The following MGAT5B variants were observed in gnomAD, a reference collection of about 807,000 sequenced individuals.
MGAT5B encodes N-acetylglucosaminyl-transferase Vb.
MGAT5B carries 54 observed loss-of-function variants against 95.1 expected under a neutral mutation model. That is an observed-to-expected ratio of 0.57 (90% CI 0.46 to 0.71). MGAT5B has a LOEUF of 0.71. MGAT5B is among the 30% of genes least tolerant of loss of function. The pLI is 0.00. For missense variants in MGAT5B, 935 were observed against 1,088.6 expected, an observed-to-expected ratio of 0.86 and a Z score of 1.99; for synonymous variants, 464 against 451.0, an observed-to-expected ratio of 1.03 and a Z score of -0.36.
In MGAT5B at chr17:76,940,875, C is replaced by T. The variant is rs765804084; in HGVS notation, c.1848+27C>T. On this transcript the variant is annotated intron_variant, in intron 15 of 17. Coordinates refer to ENST00000569840, the MANE Select transcript of MGAT5B (RefSeq NM_001199172.2). This position sits in a 1 kb window ranked among gnomAD's most constrained non-coding sequence, Gnocchi z 4.3. ...TGAGAGCAGCCACATACAGTTGAGA[C>T]CCCCCACTAGTCCACACTGCTGGTC... The T allele has an allele frequency of 3.9e-6, 6 of 1,550,186 alleles. No individual in the cohort carries two copies. The highest frequency in any genetic ancestry group is 5.3e-6 in the Non-Finnish European group (6 of 1,122,476).
intron 15 of MGAT5B, among the ~76,000 whole-genome samples, chr17:76,945,212 A>G (rs1216919818): frequency 6.6e-6 from 1 of 151,500 alleles, no homozygotes; most frequent in Non-Finnish European, 1.5e-5. Flanking sequence ...TCTTCCCTCC[A>G]CTCCCCTGGT....
chr17:76,948,095 T>TCCCCCC lies in MGAT5B; in HGVS notation c.2180+14_2180+15insCCCCCC. On this transcript the variant is annotated intron_variant, in intron 17 of 17. Transcript: ENST00000569840. ...CAGGACGCCTTCCTCAAGTGAGTGT[T>TCCCCCC]CCCCCACCCTCCCCACCCAGCCGCT... The TCCCCCC allele has an allele frequency of 6.4e-7, 1 of 1,562,184 alleles. No homozygotes were observed. Among genetic ancestry groups the TCCCCCC allele is most frequent in the Non-Finnish European group, 8.7e-7 (1 of 1,150,744 alleles).
chr17:76,943,034 G>GCCCCCCCC (rs201279890), intron 15 of MGAT5B, among the ~76,000 whole-genome samples: 74 of 129,348 alleles, frequency 5.7e-4, no homozygotes, highest in African/African-American at 1.9e-3. Context: ...GGGATAACTT[G>GCCCCCCCC]CCCCCCCGGG....
At chr17:76,942,804 C>A (rs190263491) in intron 15 of MGAT5B, among the ~76,000 whole-genome samples, 1 of 152,204 alleles carries the variant, frequency 6.6e-6, no homozygotes, top group Non-Finnish European at 1.5e-5. Context: ...TGTCACCCCA[C>A]AGTCTCCTCC....
chr17:76,872,410 G>T (rs898093107), intron 1 of MGAT5B, among the ~76,000 whole-genome samples: 3 of 152,226 alleles, frequency 2.0e-5, no homozygotes, highest in Non-Finnish European at 4.4e-5. Context: ...GAATCTTCAG[G>T]AGACTTTGCT....
intron 3 of MGAT5B, among the ~76,000 whole-genome samples, chr17:76,901,159 G>C (rs1334793671): frequency 6.6e-6 from 1 of 152,194 alleles, no homozygotes; most frequent in Admixed American, 6.5e-5. Context: ...TGGCTGTAGA[G>C]GGCGGGTGGC....
Position 76,869,102 on chromosome 17 carries a change from A to G in MGAT5B, c.68+5A>G. The G allele has an allele frequency of 1.2e-6, 2 of 1,613,952 alleles. No homozygotes were observed. Among genetic ancestry groups the G allele is most frequent in the Non-Finnish European group, 1.7e-6 (2 of 1,179,878 alleles). On this transcript the variant is annotated splice_donor_5th_base_variant and intron_variant, in intron 1 of 17. Transcript: ENST00000569840. The surrounding 1 kb of genome is among the most constrained non-coding windows in gnomAD (Gnocchi z 7.0). ...GGTCACCCTGAGACCCTTTCGGTAA[A>G]GTTCCCTCCTGGTTGGTTTTTTCCC...
chr17:76,908,900 G>A (rs80137266), intron 8 of MGAT5B, among the ~76,000 whole-genome samples: 7 of 149,676 alleles, frequency 4.7e-5, no homozygotes, highest in Non-Finnish European at 8.9e-5. Flanking sequence ...TCTGCCTCCC[G>A]GGTTCAAGCA....
At chr17:76,873,204 C>A (rs1598883355) in intron 2 of MGAT5B, among the ~76,000 whole-genome samples, 1 of 152,240 alleles carries the variant, frequency 6.6e-6, no homozygotes, top group African/African-American at 2.4e-5. Flanking sequence ...AAGCCAGGGT[C>A]TTCCAGGCCT....
At chr17:76,947,736 G>A (rs1567829865) in intron 16 of MGAT5B, 94 bp from the exon 17 acceptor site, 2 of 1,455,352 alleles carry the variant, frequency 1.4e-6, no homozygotes, top group East Asian at 2.5e-5. Context: ...AGTAGTGGTG[G>A]CTCGTACTGG....
intron 1 of MGAT5B, chr17:76,872,591 C>G: frequency 7.2e-7 from 1 of 1,396,462 alleles, no homozygotes; most frequent in Non-Finnish European, 9.4e-7. Context: ...TAGAGCCCGC[C>G]TGCCTCATGC....
intron 9 of MGAT5B, among the ~76,000 whole-genome samples, chr17:76,925,458 G>A (rs922992219): frequency 6.7e-6 from 1 of 149,690 alleles, no homozygotes; most frequent in African/African-American, 2.5e-5. Flanking sequence ...GGACCTTGGG[G>A]TGGGGAGAGC....
Position 76,940,920 on chromosome 17 carries a change from G to A in MGAT5B, c.1848+72G>A, listed in dbSNP as rs1567825968. On this transcript the variant is annotated intron_variant, in intron 15 of 17. Coordinates refer to ENST00000569840, the MANE Select transcript of MGAT5B (RefSeq NM_001199172.2). The surrounding 1 kb of genome is among the most constrained non-coding windows in gnomAD (Gnocchi z 4.3). ...CTGGTCTTCACTCTGATTAGAAAAC[G>A]GTGCCCCCCTCTGGGTGAGTTCAGA... The A allele has an allele frequency of 3.7e-6, 5 of 1,337,232 alleles. No individual in the cohort carries two copies. Among genetic ancestry groups the A allele is most frequent in the African/African-American group, 1.4e-5 (1 of 69,418 alleles). 82.8% of individuals were successfully genotyped at this position (1,337,232 alleles called of 1,614,324 possible). A position where few individuals can be genotyped will look rare whatever the true frequency, so the allele number is the denominator to read the frequency against.
intron 3 of MGAT5B, among the ~76,000 whole-genome samples, chr17:76,901,696 T>G (rs1237954187): frequency 1.3e-5 from 2 of 152,212 alleles, no homozygotes; most frequent in Non-Finnish European, 2.9e-5. Context: ...CAGTGATAAT[T>G]TACCGGAGTT....
Position 76,917,695 on chromosome 17 carries a change from G to T in MGAT5B, c.1026-7271G>T, listed in dbSNP as rs1383380618. Reference sequence around the variant, plus strand: ...ATTGACAGCGGAGTCTTACCCCAAGGTCCCTGCACAGGTTGGTTCTCAGCA... The same window carrying T: ...ATTGACAGCGGAGTCTTACCCCAAGTTCCCTGCACAGGTTGGTTCTCAGCA... On this transcript the variant is annotated intron_variant, in intron 8 of 17. Coordinates refer to ENST00000569840, the MANE Select transcript of MGAT5B (RefSeq NM_001199172.2). The surrounding 1 kb of genome is among the most constrained non-coding windows in gnomAD (Gnocchi z 6.1). 6.6e-6 allele frequency among the ~76,000 whole-genome samples: 1 copy of T among 152,008 alleles called. No individual in the cohort carries two copies. The highest frequency in any genetic ancestry group is 6.5e-5 in the Admixed American group (1 of 15,268).
intron 16 of MGAT5B, among the ~76,000 whole-genome samples, chr17:76,947,331 G>A (rs1232391689): frequency 2.6e-5 from 4 of 152,202 alleles, no homozygotes; most frequent in African/African-American, 4.8e-5. Flanking sequence ...GTATTCAGGT[G>A]AGGGGGTGAG....
rs12938270 is a variant in MGAT5B, at chr17:76,938,919, T to C, written c.1584+776T>C. Among the ~76,000 whole-genome samples, 149,625 of 152,048 alleles carry C rather than the reference T, an allele frequency of 0.98. 73,634 individuals are homozygous for C. Among genetic ancestry groups the C allele is most frequent in the Middle Eastern group, 1 (294 of 294 alleles). ...GTGTCAATCTCCTGGGCTTAAGCGA[T>C]CCTACCACCTCGGCCTCTCAAAGTG... On this transcript the variant is annotated intron_variant, in intron 13 of 17. Transcript: ENST00000569840. The surrounding 1 kb of genome is among the most constrained non-coding windows in gnomAD (Gnocchi z 4.3).
At chr17:76,882,705 C>CTT (rs763528809) in intron 3 of MGAT5B, among the ~76,000 whole-genome samples, 936 of 70,058 alleles carry the variant, frequency 0.013, 28 homozygotes, top group African/African-American at 0.062. Flanking sequence ...TCCACTGCCC[C>CTT]TTTTTTTTTT....
chr17:76,921,442 G>GC lies in MGAT5B; in HGVS notation c.1026-3523dup, dbSNP rs1381636284. On this transcript the variant is annotated intron_variant, in intron 8 of 17. Coordinates refer to ENST00000569840, the MANE Select transcript of MGAT5B (RefSeq NM_001199172.2). Reference sequence around the variant, plus strand: ...TGTGCATGGGGGAAGCGATTGCTCAGCAGGGGGCCCCTTTTCCTGCCCGGC... The same window carrying GC: ...TGTGCATGGGGGAAGCGATTGCTCAGCCAGGGGGCCCCTTTTCCTGCCCGGC... Among the ~76,000 whole-genome samples, 113 of 152,222 alleles carry GC rather than the reference G, an allele frequency of 7.4e-4. 1 individual carries two copies. Among genetic ancestry groups the GC allele is most frequent in the Admixed American group, 4.1e-3 (63 of 15,288 alleles).
Sources: allele counts gnomAD v4.1 joint callset (sites outside exome capture counted in the v4.1 genomes callset), GRCh38; gene constraint gnomAD v4.1.1; non-coding constraint Gnocchi (gnomAD v3.1); transcripts MANE v1.5; gene names NCBI Gene and HGNC (gene_info 2026-07-23, HGNC 2026-07-21).